Variants in HECTD3 observed in about 807,000 individuals in gnomAD.
The protein encoded by HECTD3 is E3 ubiquitin-protein ligase HECTD3.
A neutral mutation model predicts 109.3 loss-of-function variants in HECTD3; 72 were observed. That is an observed-to-expected ratio of 0.66 (90% confidence interval 0.54 to 0.80). The LOEUF (loss-of-function observed/expected upper bound fraction) is 0.80, where lower values mean the gene tolerates loss of function less well. Among genes scored for constraint, HECTD3 ranks in the 30% least tolerant of loss-of-function variants. HECTD3 has a pLI of 0.00. For missense variants in HECTD3, 1,041 were observed against 1,165.2 expected (o/e 0.89, Z 1.55); for synonymous variants, 481 against 471.8 (o/e 1.02, Z -0.25).
rs903448860 is a variant in HECTD3, at chr1:45,010,611, G to A, written c.465C>T (p.Ile155=). The change falls in exon 2 of 21, where the codon ATC becomes ATT. Residue 155 remains isoleucine (I), a synonymous_variant. Coordinates refer to ENST00000372172, the MANE Select transcript of HECTD3 (RefSeq NM_024602.6). ...GCCGCTGGAGGTGGTTGGGAGTGTC[G>A]ATGGGTACCAGGCGGGCTCCGCCCT... ...PAEGGARLVP[I]DTPNHLQRQQ... is the part of the protein sequence containing the mutation. 3.7e-6 allele frequency: 6 copies of A among 1,612,830 alleles called. No individual in the cohort carries two copies. The highest frequency in any genetic ancestry group is 5.1e-6 in the Non-Finnish European group (6 of 1,179,876).
intron 4 of HECTD3, 150 bp downstream of exon 4, chr1:45,009,836 C>A: frequency 1.8e-6 from 2 of 1,113,918 alleles, no homozygotes; most frequent in Middle Eastern, 5.6e-4. Context: ...TGTAAGGGGT[C>A]CTATAGACGT....
chr1:45,007,440 AG>A lies in HECTD3; in HGVS notation c.1475del (p.Pro492LeufsTer113). The A allele has an allele frequency of 6.2e-7, 1 of 1,614,108 alleles. No individual in the cohort carries two copies. The highest frequency in any genetic ancestry group is 8.5e-7 in the Non-Finnish European group (1 of 1,180,000). ...GGGTGAAGACTGCATTCTTGCAGGC[AG>A]GGTCTCGAGAGGGGCAGGCACGGTG... is the stretch of plus-strand genomic sequence containing the variant. The part of the protein sequence containing the change: ...MEHRACPSRD[P>X]ACKNAVFTQV... On this transcript the variant is annotated frameshift_variant, in exon 10 of 21. Coordinates refer to ENST00000372172, the MANE Select transcript of HECTD3 (RefSeq NM_024602.6). LOFTEE classifies it high-confidence loss of function.
chr1:45,004,573 T>G (rs1181345758), intron 16 of HECTD3, 27 bp downstream of exon 16: 1 of 1,612,826 alleles, frequency 6.2e-7, no homozygotes, highest in Non-Finnish European at 8.5e-7. Context: ...GCCAAAGCTC[T>G]CTGCTCTACT....
In HECTD3 at chr1:45,008,243, A is replaced by G. The variant is rs770845741; in HGVS notation, c.1317T>C (p.Ile439=). 11 of 1,613,056 alleles carry G rather than the reference A, an allele frequency of 6.8e-6. No individual in the cohort carries two copies. In the South Asian group the frequency reaches 9.9e-5, roughly 14 times the overall value. ...AGCACTGGCTGGGTCGGCTCACCTTAATCTCACTGAAGGTGCCCAGTGTGT... is the reference window on the plus strand; with the variant it reads ...AGCACTGGCTGGGTCGGCTCACCTTGATCTCACTGAAGGTGCCCAGTGTGT... ...WDHTLGTFSE[I]KQVKQFLLLS... Residue 439 remains isoleucine (I), a synonymous_variant, in exon 9 of 21, where the codon ATT becomes ATC. Coordinates refer to ENST00000372172, the MANE Select transcript of HECTD3 (RefSeq NM_024602.6).
intron 10 of HECTD3, 42 bp from the exon 11 acceptor site, chr1:45,007,313 G>A (rs1253925917): frequency 1.1e-5 from 18 of 1,604,554 alleles, no homozygotes; most frequent in Non-Finnish European, 1.5e-5. Flanking sequence ...AGCAAGACCT[G>A]GCCCTATACT....
In HECTD3 at chr1:45,007,604, G is replaced by T; in HGVS notation, c.1321-9C>A. 2 of 1,605,180 alleles carry T rather than the reference G, an allele frequency of 1.2e-6. No individual in the cohort carries two copies. The highest frequency in any genetic ancestry group is 8.5e-7 in the Non-Finnish European group (1 of 1,179,394). On this transcript the variant is annotated splice_polypyrimidine_tract_variant and intron_variant, in intron 9 of 20. Transcript: ENST00000372172. ...AGGAACTGCTTCACTTGCTAGTGAG[G>T]AGAGGTGGCCAGAGCAGGAATGAGT...
rs150148129 is a variant in HECTD3, at chr1:45,010,364, T to C, written c.531-71A>G. The C allele has an allele frequency of 2.7e-6, 4 of 1,503,214 alleles. No homozygotes were observed. In the African/African-American group the frequency reaches 4.1e-5, roughly 16 times the overall value. The allele number at this position is 1,503,214 out of a possible 1,614,324, so 93.1% of individuals were successfully genotyped here. A position where few individuals can be genotyped will look rare whatever the true frequency, so the allele number is the denominator to read the frequency against. On this transcript the variant is annotated intron_variant, in intron 2 of 20. Coordinates refer to ENST00000372172, the MANE Select transcript of HECTD3 (RefSeq NM_024602.6). ...AGCAAGACACTACCTCCATGCCGTG[T>C]AGCCTTCTTCAGGGCTCTATCTCCC...
At chr1:45,010,446 C>G in intron 2 of HECTD3, 100 bp downstream of exon 2, 1 of 1,530,396 alleles carries the variant, frequency 6.5e-7, no homozygotes, top group African/African-American at 1.4e-5. Context: ...ACCCTGCCTC[C>G]GCTCCAGTAT....
chr1:45,009,578 T>G lies in HECTD3; in HGVS notation c.865A>C (p.Thr289Pro). 6.2e-7 allele frequency: 1 copy of G among 1,613,184 alleles called. No individual in the cohort carries two copies. The highest frequency in any genetic ancestry group is 8.5e-7 in the Non-Finnish European group (1 of 1,179,260). ...HWVRLTMKKG[T>P]IVKKLLLTVD... The stretch of plus-strand genomic sequence containing the variant: ...CCAGAGCCTACTTACTTGACAATGG[T>G]GCCCTTCTTCATAGTAAGCCGTACC... Residue 289 changes from threonine (T) to proline (P), a missense_variant, in exon 5 of 21, where the codon ACC becomes CCC. Physicochemically the swap from Thr to Pro is conservative, Grantham distance 38. Coordinates refer to ENST00000372172, the MANE Select transcript of HECTD3 (RefSeq NM_024602.6).
intron 7 of HECTD3, 100 bp from the exon 8 acceptor site, chr1:45,008,801 GT>G: frequency 8.6e-7 from 1 of 1,157,322 alleles, no homozygotes; most frequent in Non-Finnish European, 1.3e-6. Context: ...TTGTGTCACC[GT>G]TAGCCCCTAG....
At chr1:45,005,773 C>G in intron 15 of HECTD3, 21 bp downstream of exon 15, 1 of 1,559,544 alleles carries the variant, frequency 6.4e-7, no homozygotes, top group Non-Finnish European at 8.7e-7. Context: ...AGAGGAAACA[C>G]TGGTTCCAGG....
chr1:45,007,134 GTGTGTGT>G (rs1644742550), intron 11 of HECTD3, 78 bp downstream of exon 11: 8 of 221,468 alleles, frequency 3.6e-5, no homozygotes, highest in Non-Finnish European at 4.9e-5. Context: ...AGTTGTGTGT[GTGTGTGT>G]GTGTGTGTGT....
intron 8 of HECTD3, 79 bp from the exon 9 acceptor site, chr1:45,008,400 GA>G: frequency 6.7e-7 from 1 of 1,497,018 alleles, no homozygotes; most frequent in Non-Finnish European, 9.3e-7. Flanking sequence ...AAAGGGACAG[GA>G]AAAGGCAGGA....
rs199674209 is a variant in HECTD3, at chr1:45,009,193, G to A, written c.1023C>T (p.Asp341=). 2.0e-5 allele frequency: 32 copies of A among 1,613,958 alleles called. No homozygotes were observed. The highest frequency in any genetic ancestry group is 1.7e-5 in the Admixed American group (1 of 60,010). ...TLIGDVCVLE[D]MTVHLPIIEI... ...CGATGATCGGGAGGTGGACGGTCAT[G>A]TCCTCCAGGACACAGACATCCCCGA... The change falls in exon 7 of 21, where the codon GAC becomes GAT. Residue 341 remains aspartate, a synonymous_variant. Coordinates refer to ENST00000372172, the MANE Select transcript of HECTD3 (RefSeq NM_024602.6).
At position 45,003,962 on chromosome 1, in the gene HECTD3, T is replaced by C; in HGVS notation, c.2348-26A>G. Reference sequence around the variant, plus strand: ...CTGGAGGGAGAAGGAAATCAGTGCCTGCATGGATGGTGAGGGAGGGTCTAC... The same window carrying C: ...CTGGAGGGAGAAGGAAATCAGTGCCCGCATGGATGGTGAGGGAGGGTCTAC... On this transcript the variant is annotated intron_variant, in intron 18 of 20. Transcript: ENST00000372172. The surrounding 1 kb of genome is among the most constrained non-coding windows in gnomAD (Gnocchi z 4.7). The C allele has an allele frequency of 6.2e-7, 1 of 1,613,234 alleles. No homozygotes were observed. The highest frequency in any genetic ancestry group is 8.5e-7 in the Non-Finnish European group (1 of 1,179,422).
At chr1:45,009,857 G>C (rs1644768882) in intron 4 of HECTD3, 129 bp downstream of exon 4, 4 of 1,230,552 alleles carry the variant, frequency 3.3e-6, no homozygotes, top group Non-Finnish European at 4.6e-6. Flanking sequence ...CCAAGATGGG[G>C]AGCTGAACTG....
In HECTD3 at chr1:45,006,306, C is replaced by CAA; in HGVS notation, c.1726-191_1726-190insTT. The stretch of plus-strand genomic sequence containing the variant: ...ACTCAGTCCCTCCTCTGCCCTATTT[C>CAA]TATTTTTTTTTTTTTTTGAGACAGA... On this transcript the variant is annotated intron_variant, in intron 13 of 20. Transcript: ENST00000372172. The surrounding 1 kb of genome is among the most constrained non-coding windows in gnomAD (Gnocchi z 4.7). The CAA allele has an allele frequency of 1.9e-6, 1 of 515,456 alleles. No individual in the cohort carries two copies. Among genetic ancestry groups the CAA allele is most frequent in the Non-Finnish European group, 3.2e-6 (1 of 307,826 alleles). 31.9% of individuals were successfully genotyped at this position (515,456 alleles called of 1,614,324 possible).
chr1:45,003,306 G>A lies in HECTD3; in HGVS notation c.*186C>T. ...CAGCACGGGTAGGGCTTGTGGGTCT[G>A]CGGGGCTGGGCCACTAGTGTTACCT... On this transcript the variant is annotated 3_prime_UTR_variant, in exon 21 of 21. Transcript: ENST00000372172. This position sits in a 1 kb window ranked among gnomAD's most constrained non-coding sequence, Gnocchi z 4.7. 1 of 599,926 alleles carries A rather than the reference G, an allele frequency of 1.7e-6. No homozygotes were observed. 37.2% of individuals were successfully genotyped at this position (599,926 alleles called of 1,614,324 possible).
At chr1:45,005,025 C>T (rs577780282) in intron 15 of HECTD3, 1 of 597,344 alleles carries the variant, frequency 1.7e-6, no homozygotes, top group African/African-American at 1.9e-5. Context: ...AATGGTGTCT[C>T]AGCTGAGACC....
Sources: allele counts gnomAD v4.1 joint callset, GRCh38; gene constraint gnomAD v4.1.1; non-coding constraint Gnocchi (gnomAD v3.1); transcripts MANE v1.5; gene names NCBI Gene and HGNC (gene_info 2026-07-23, HGNC 2026-07-21).